NRXN3: variants seen among roughly 807,000 people sequenced by gnomAD.
The protein encoded by NRXN3 is neurexin III.
A neutral mutation model predicts 137.6 loss-of-function variants in NRXN3; 32 were observed. The observed-to-expected ratio is 0.23, with a 90% CI of 0.18 to 0.31. NRXN3 has a LOEUF of 0.31. NRXN3 is among the 10% of genes least tolerant of loss of function. The probability of loss-of-function intolerance (pLI) is 1.00; values close to 1 mark genes in which losing one functional copy is unlikely to be tolerated. For synonymous variants in NRXN3, 798 were observed against 784.5 expected (o/e 1.02, Z -0.29); for missense variants, 1,574 against 2,062.5 (o/e 0.76, Z 4.59).
intron 16 of NRXN3, among the ~76,000 whole-genome samples, chr14:79,604,130 A>T (rs549679217): frequency 7.3e-4 from 109 of 149,834 alleles, no homozygotes; most frequent in African/African-American, 2.6e-3. Flanking sequence ...TGACTTCATG[A>T]TCTGCCCGCC....
intron 15 of NRXN3, among the ~76,000 whole-genome samples, chr14:79,365,672 T>C (rs1443103529): frequency 7.2e-6 from 1 of 139,352 alleles, no homozygotes; most frequent in African/African-American, 2.7e-5. Context: ...TGAGCCGAGA[T>C]TGCGCCACTG....
chr14:79,340,106 T>C (rs541149419), intron 15 of NRXN3, among the ~76,000 whole-genome samples: 3 of 152,002 alleles, frequency 2.0e-5, no homozygotes, highest in Non-Finnish European at 4.4e-5. Context: ...TAGAGATATA[T>C]AATGGTTTGA....
At chr14:78,851,754 A>G (rs2099043240) in intron 10 of NRXN3, among the ~76,000 whole-genome samples, 1 of 152,208 alleles carries the variant, frequency 6.6e-6, no homozygotes, top group African/African-American at 2.4e-5. Context: ...ATCAGAATTC[A>G]GAATGATTCT....
intron 19 of NRXN3, among the ~76,000 whole-genome samples, chr14:79,757,971 CT>C (rs748750835): frequency 1.3e-5 from 2 of 152,252 alleles, no homozygotes; most frequent in South Asian, 2.1e-4. Context: ...AAGAAATATA[CT>C]TTTTTTCCCC....
At chr14:79,761,876 A>C (rs548999258) in intron 19 of NRXN3, among the ~76,000 whole-genome samples, 1 of 151,696 alleles carries the variant, frequency 6.6e-6, no homozygotes, top group South Asian at 2.1e-4. Flanking sequence ...AAGGAAGAGG[A>C]TGTCTTATCT....
intron 4 of NRXN3, among the ~76,000 whole-genome samples, chr14:78,507,436 C>A (rs1180456688): frequency 6.6e-6 from 1 of 152,142 alleles, no homozygotes; most frequent in Non-Finnish European, 1.5e-5. Context: ...GGTCACTGCC[C>A]CGGGGCCAGG....
chr14:79,671,654 T>A (rs2098608477), intron 17 of NRXN3, among the ~76,000 whole-genome samples: 1 of 152,000 alleles, frequency 6.6e-6, no homozygotes, highest in Non-Finnish European at 1.5e-5. Context: ...TTTTTTTAAT[T>A]TAATTTTTGT....
intron 20 of NRXN3, among the ~76,000 whole-genome samples, chr14:79,813,172 A>G (rs1346579042): frequency 6.6e-6 from 1 of 152,198 alleles, no homozygotes; most frequent in Admixed American, 6.5e-5. Flanking sequence ...ATCAGCCAAC[A>G]TAGACATGCA....
chr14:78,692,203 G>A (rs1376486769), intron 6 of NRXN3, among the ~76,000 whole-genome samples: 1 of 152,146 alleles, frequency 6.6e-6, no homozygotes, highest in Non-Finnish European at 1.5e-5. Flanking sequence ...AGATTGAGGA[G>A]TCAGAGGTAA....
intron 15 of NRXN3, among the ~76,000 whole-genome samples, chr14:79,389,391 C>A (rs2094761614): frequency 6.6e-6 from 1 of 152,182 alleles, no homozygotes; most frequent in African/African-American, 2.4e-5. Flanking sequence ...CAACAAACTC[C>A]CAGGATGATA....
At chr14:79,257,577 G>A (rs1453327986) in intron 15 of NRXN3, among the ~76,000 whole-genome samples, 1 of 124,758 alleles carries the variant, frequency 8.0e-6, no homozygotes, top group African/African-American at 3.2e-5. Context: ...GGTGGTGGTG[G>A]TGATGGTAAT....
At chr14:78,388,042 T>G (rs2090228803) in intron 4 of NRXN3, among the ~76,000 whole-genome samples, 1 of 152,154 alleles carries the variant, frequency 6.6e-6, no homozygotes, top group Admixed American at 6.5e-5. Flanking sequence ...AATAAAAATA[T>G]CACGGATCTT....
At chr14:79,575,707 C>T (rs2097657872) in intron 16 of NRXN3, among the ~76,000 whole-genome samples, 1 of 152,046 alleles carries the variant, frequency 6.6e-6, no homozygotes, top group South Asian at 2.1e-4. Context: ...ATCATTACCC[C>T]TCAGTGAAAT....
At chr14:78,583,008 C>T (rs186598371) in intron 4 of NRXN3, among the ~76,000 whole-genome samples, 44 of 152,296 alleles carry the variant, frequency 2.9e-4, no homozygotes, top group Middle Eastern at 3.4e-3. Flanking sequence ...TGGAATGCTG[C>T]TGAGATCCCA....
At chr14:79,815,708 T>C (rs1184677356) in intron 20 of NRXN3, among the ~76,000 whole-genome samples, 1 of 152,166 alleles carries the variant, frequency 6.6e-6, no homozygotes, top group Non-Finnish European at 1.5e-5. Flanking sequence ...AGTTTTCCAG[T>C]TTCTGTATGG....
intron 10 of NRXN3, among the ~76,000 whole-genome samples, chr14:78,876,321 T>C (rs2099113749): frequency 6.6e-6 from 1 of 152,186 alleles, no homozygotes; most frequent in South Asian, 2.1e-4. Context: ...TCAGACTTGA[T>C]GTAAAGGAGG....
intron 4 of NRXN3, among the ~76,000 whole-genome samples, chr14:78,438,416 T>C (rs2094140267): frequency 6.6e-6 from 1 of 152,136 alleles, no homozygotes; most frequent in Non-Finnish European, 1.5e-5. Context: ...AGAAACTAAG[T>C]GGCAAGGCTC....
At chr14:78,194,553 C>T (rs59620547) in intron 1 of NRXN3, among the ~76,000 whole-genome samples, 40,760 of 152,072 alleles carry the variant, frequency 0.27, 5,848 homozygotes, top group Non-Finnish European at 0.32. Flanking sequence ...CCTGGCCTGC[C>T]GGGCCTGGCT....
At chr14:79,740,315 T>C (rs1398002735) in intron 19 of NRXN3, among the ~76,000 whole-genome samples, 2 of 152,082 alleles carry the variant, frequency 1.3e-5, no homozygotes, top group Admixed American at 6.6e-5. Flanking sequence ...CCAATCTCCC[T>C]TGTCACATGT....
Sources: gnomAD v4.1 joint callset for allele counts (sites outside exome capture counted in the v4.1 genomes callset) on GRCh38, gnomAD v4.1.1 for gene constraint, MANE v1.5 for transcripts, NCBI Gene and HGNC (gene_info 2026-07-23, HGNC 2026-07-21) for gene names.